The following IPO7 variants were observed in gnomAD, a reference collection of about 807,000 sequenced individuals.
IPO7 encodes the protein importin 7, also known as importin-7.
In IPO7, 13 loss-of-function variants were observed where a neutral mutation model predicts 136.4. The ratio of observed to expected loss-of-function variants is 0.10; its 90% CI spans 0.06 to 0.15. The LOEUF is 0.15. Among genes scored for constraint, IPO7 ranks in the 10% least tolerant of loss-of-function variants. The pLI is 1.00. For synonymous variants in IPO7, 403 were observed against 404.4 expected (o/e 1.00, Z 0.04); for missense variants, 857 against 1,240.6 (o/e 0.69, Z 4.65).
chr11:9,433,729 G>A lies in IPO7; in HGVS notation c.1957G>A (p.Glu653Lys). Residue 653 changes from glutamate to lysine, a missense_variant, in exon 18 of 25, where the codon GAG becomes AAG. Physicochemically the swap from Glu to Lys is moderately conservative, Grantham distance 56 (BLOSUM62 1). Coordinates refer to ENST00000379719, the MANE Select transcript of IPO7 (RefSeq NM_006391.3). Reference protein sequence around the residue: ...VLQQHVLEFYEEIFSLAHSLT... With the variant: ...VLQQHVLEFYKEIFSLAHSLT... ...TTAGTATTCTCTTTTAGAATTCTATGAGGAGATCTTCTCTTTAGCGCACAG... is the reference window on the plus strand; with the variant it reads ...TTAGTATTCTCTTTTAGAATTCTATAAGGAGATCTTCTCTTTAGCGCACAG... 6.2e-7 allele frequency: 1 copy of A among 1,612,756 alleles called. No individual in the cohort carries two copies. Among genetic ancestry groups the A allele is most frequent in the Non-Finnish European group, 8.5e-7 (1 of 1,179,954 alleles).
intron 1 of IPO7, among the ~76,000 whole-genome samples, chr11:9,385,297 G>T (rs1854536617): frequency 6.6e-6 from 1 of 152,198 alleles, no homozygotes; most frequent in African/African-American, 2.4e-5. Context: ...TCCTTTGGGG[G>T]CTGCGCCTGT....
intron 6 of IPO7, among the ~76,000 whole-genome samples, chr11:9,418,169 C>T (rs1855069064): frequency 6.6e-6 from 1 of 151,796 alleles, no homozygotes; most frequent in Non-Finnish European, 1.5e-5. Flanking sequence ...CTCCCAGGTT[C>T]AAGCAATTCC....
intron 1 of IPO7, among the ~76,000 whole-genome samples, chr11:9,394,882 A>G (rs1206288852): frequency 2.0e-5 from 3 of 152,198 alleles, no homozygotes; most frequent in Non-Finnish European, 4.4e-5. Flanking sequence ...ATGACAGATA[A>G]TGAGAAGGTT....
chr11:9,399,167 T>C (rs1854757218), intron 1 of IPO7, among the ~76,000 whole-genome samples: 1 of 137,292 alleles, frequency 7.3e-6, no homozygotes, highest in African/African-American at 2.7e-5. Context: ...AAATGGATGC[T>C]TTTTTTTTTT....
chr11:9,396,597 A>G (rs996784862), intron 1 of IPO7, among the ~76,000 whole-genome samples: 34 of 152,158 alleles, frequency 2.2e-4, no homozygotes, highest in African/African-American at 8.0e-4. Flanking sequence ...CCCCATTCCT[A>G]GCCCTAGGCA....
chr11:9,422,881 G>A (rs1164617231), intron 8 of IPO7, 125 bp from the exon 9 acceptor site: 2 of 507,898 alleles, frequency 3.9e-6, no homozygotes, highest in Non-Finnish European at 7.0e-6. Flanking sequence ...ATTTTTCAAA[G>A]TATACGGTTG....
At position 9,442,069 on chromosome 11, in the gene IPO7, AT is replaced by A; in HGVS notation, c.2903-6del. 3.0e-6 allele frequency: 4 copies of A among 1,321,736 alleles called. No homozygotes were observed. Among genetic ancestry groups the A allele is most frequent in the African/African-American group, 1.4e-5 (1 of 69,014 alleles). The allele number at this position is 1,321,736 out of a possible 1,614,324, so 81.9% of individuals were successfully genotyped here. A position where few individuals can be genotyped will look rare whatever the true frequency, so the allele number is the denominator to read the frequency against. ...TTCATGTTGTTTTTCCCTTGTTTTT[AT>A]TTTTTGATAGCTATTCAAAATCGTA... On this transcript the variant is annotated splice_polypyrimidine_tract_variant and intron_variant, in intron 23 of 24. Transcript: ENST00000379719.
rs202038310 is a variant in IPO7 at position 9,438,045 on chromosome 11, G to GTTTTTTTTT, written c.2490-11_2490-3dup. 140 of 1,093,604 alleles carry GTTTTTTTTT rather than the reference G, an allele frequency of 1.3e-4. 4 individuals are homozygous for GTTTTTTTTT. The highest frequency in any genetic ancestry group is 4.5e-4 in the South Asian group (28 of 62,086). 67.7% of individuals were successfully genotyped at this position (1,093,604 alleles called of 1,614,324 possible). A position where few individuals can be genotyped will look rare whatever the true frequency, so the allele number is the denominator to read the frequency against. The stretch of plus-strand genomic sequence containing the variant: ...TCTGCTTATTTAAGAAAAGAAAACA[G>GTTTTTTTTT]TTTTTTTTTTTTTTTTTTTTTTTTT... On this transcript the variant is annotated intron_variant, in intron 21 of 24. Transcript: ENST00000379719.
At chr11:9,414,440 T>C (rs773231382) in intron 5 of IPO7, 29 bp downstream of exon 5, 1 of 1,452,046 alleles carries the variant, frequency 6.9e-7, no homozygotes, top group South Asian at 1.3e-5. Context: ...TTTTTATGCA[T>C]AAAAAGTTAG....
intron 1 of IPO7, among the ~76,000 whole-genome samples, chr11:9,397,981 G>C (rs1279037765): frequency 6.6e-6 from 1 of 152,188 alleles, no homozygotes; most frequent in Non-Finnish European, 1.5e-5. Flanking sequence ...TTACAACCAA[G>C]ACTATCTGAT....
At chr11:9,416,980 T>C (rs1285907259) in intron 5 of IPO7, 79 bp from the exon 6 acceptor site, 2 of 615,114 alleles carry the variant, frequency 3.3e-6, no homozygotes, top group East Asian at 2.8e-5. Context: ...ATACTTTTGG[T>C]AGGTATTGTG....
intron 5 of IPO7, among the ~76,000 whole-genome samples, chr11:9,415,472 T>C (rs1053124557): frequency 6.6e-6 from 1 of 152,252 alleles, no homozygotes; most frequent in Admixed American, 6.5e-5. Context: ...CAGTGGGCTT[T>C]ACTGGTACAC....
At chr11:9,438,659 C>G (rs1227928198) in intron 22 of IPO7, among the ~76,000 whole-genome samples, 1 of 151,924 alleles carries the variant, frequency 6.6e-6, no homozygotes, top group African/African-American at 2.4e-5. Flanking sequence ...TATCACTAGC[C>G]CTTCTCCCAA....
chr11:9,408,530 C>G lies in IPO7; in HGVS notation c.211C>G (p.Arg71Gly), dbSNP rs538472915. 1.9e-6 allele frequency: 3 copies of G among 1,603,664 alleles called. No individual in the cohort carries two copies. Among genetic ancestry groups the G allele is most frequent in the East Asian group, 4.5e-5 (2 of 44,682 alleles). ...TATGATAACACAGTATTGGCCTGATCGAGAAACAGCACCAGGGGATATATC... is the reference window on the plus strand; with the variant it reads ...TATGATAACACAGTATTGGCCTGATGGAGAAACAGCACCAGGGGATATATC... ...KNMITQYWPD[R>G]ETAPGDISPY... is the part of the protein sequence containing the mutation. The change falls in exon 3 of 25, where the codon CGA becomes GGA. Residue 71 changes from arginine (R) to glycine (G), a missense_variant. By Grantham distance (125) the Arg-to-Gly change is moderately radical. Coordinates refer to ENST00000379719, the MANE Select transcript of IPO7 (RefSeq NM_006391.3).
At chr11:9,438,893 G>A (rs182425853) in intron 22 of IPO7, among the ~76,000 whole-genome samples, 21 of 152,134 alleles carry the variant, frequency 1.4e-4, no homozygotes, top group South Asian at 2.1e-4. Context: ...TTTTCTATCC[G>A]ACTGTGGGAA....
At chr11:9,394,725 A>T (rs1725463779) in intron 1 of IPO7, among the ~76,000 whole-genome samples, 1 of 152,212 alleles carries the variant, frequency 6.6e-6, no homozygotes, top group Admixed American at 6.5e-5. Context: ...CCCAATTGGA[A>T]TTAAACTCCC....
At position 9,430,920 on chromosome 11, in the gene IPO7, G is replaced by A; in HGVS notation, c.1798G>A (p.Gly600Ser). The change falls in exon 16 of 25, where the codon GGT (glycine) becomes AGT (serine). Residue 600 changes from glycine (G) to serine (S), a missense_variant. Gly to Ser is a moderately conservative substitution (Grantham distance 56). Transcript: ENST00000379719. ...QVIQTGPDEE[G>S]SDDKAVTAMG... Reference sequence around the variant, plus strand: ...AATCCAGACGGGGCCAGATGAAGAAGGTAGTGATGACAAAGCAGTTACTGC... The same window carrying A: ...AATCCAGACGGGGCCAGATGAAGAAAGTAGTGATGACAAAGCAGTTACTGC... 6.2e-7 allele frequency: 1 copy of A among 1,611,312 alleles called. No individual in the cohort carries two copies. The highest frequency in any genetic ancestry group is 1.1e-5 in the South Asian group (1 of 91,008).
At chr11:9,401,561 TAAAA>T (rs11330854) in intron 1 of IPO7, among the ~76,000 whole-genome samples, 7 of 139,910 alleles carry the variant, frequency 5.0e-5, no homozygotes, top group Non-Finnish European at 7.7e-5. Flanking sequence ...AACAAAAAAT[TAAAA>T]AAAAAAAAAA....
chr11:9,414,504 G>A (rs1346773024), intron 5 of IPO7, 93 bp downstream of exon 5: 1 of 744,732 alleles, frequency 1.3e-6, no homozygotes, highest in East Asian at 3.4e-5. Flanking sequence ...TTGAATAATA[G>A]TTAACTTGAA....
Sources: allele counts gnomAD v4.1 joint callset (sites outside exome capture counted in the v4.1 genomes callset), GRCh38; gene constraint gnomAD v4.1.1; transcripts MANE v1.5; gene names NCBI Gene and HGNC (gene_info 2026-07-23, HGNC 2026-07-21).